The following GSDMC variants were observed in gnomAD, a reference collection of about 807,000 sequenced individuals.
GSDMC encodes gasdermin-C.
GSDMC carries 59 observed loss-of-function variants against 58.0 expected under a neutral mutation model. The ratio of observed to expected loss-of-function variants is 1.02; its 90% confidence interval spans 0.82 to 1.26. GSDMC has a LOEUF of 1.26. Ranked by LOEUF, GSDMC falls within the 50% of genes most tolerant of loss-of-function variation. The pLI, the probability that GSDMC is intolerant of heterozygous loss-of-function variation, is 0.00. For missense variants in GSDMC, 659 were observed against 598.5 expected (o/e 1.10, Z -1.06); for synonymous variants, 241 against 220.2 (o/e 1.09, Z -0.83).
intron 2 of GSDMC, among the ~76,000 whole-genome samples, chr8:129,776,876 T>C (rs1377382698): frequency 6.6e-6 from 1 of 151,998 alleles, no homozygotes; most frequent in Non-Finnish European, 1.5e-5. Flanking sequence ...TTATTGAGCC[T>C]CAGCCTCCCG....
At chr8:129,745,379 C>T (rs1237922470), downstream of GSDMC, among the ~76,000 whole-genome samples, 3 of 152,096 alleles carry the variant, frequency 2.0e-5, no homozygotes, top group African/African-American at 4.8e-5. Context: ...CCTAGGGATT[C>T]GTCTCTGGAA....
chr8:129,764,505 T>C (rs980939020), intron 4 of GSDMC, among the ~76,000 whole-genome samples: 2 of 152,212 alleles, frequency 1.3e-5, no homozygotes, highest in Non-Finnish European at 2.9e-5. Flanking sequence ...TTTTCCATTA[T>C]GGCTTCTCAC....
At position 129,752,116 on chromosome 8, in the gene GSDMC, C is replaced by T; in HGVS notation, c.876G>A (p.Gly292=). The T allele has an allele frequency of 1.2e-6, 2 of 1,613,326 alleles. No homozygotes were observed. Among genetic ancestry groups the T allele is most frequent in the Admixed American group, 1.7e-5 (1 of 60,002 alleles). Residue 292 remains glycine (G), a synonymous_variant, in exon 8 of 14, where the codon GGG becomes GGA. Transcript: ENST00000276708. The part of the protein sequence containing the change: ...ELFLTQQFLS[G]HLPKYEQVHI... ...CCAGATTCCACTCACTTGGCAAATG[C>T]CCGCTCAAAAATTGCTGTGTCAGAA...
the GSDMC span, among the ~76,000 whole-genome samples, chr8:129,738,477 A>T: frequency 5.3e-4 from 80 of 152,226 alleles, no homozygotes; most frequent in Non-Finnish European, 9.3e-4. Flanking sequence ...ATGCAGCCAT[A>T]AAAAAGGTTG....
At chr8:129,732,268 ATATTTCTGTTCTTTATAAAT>A in the GSDMC span, among the ~76,000 whole-genome samples, 1 of 149,804 alleles carries the variant, frequency 6.7e-6, no homozygotes, top group South Asian at 2.1e-4. Context: ...TGTGAGAAAT[ATATTTCTGTTCTTTATAAAT>A]TAAAAAAAAA....
chr8:129,707,811 G>T, the GSDMC span, among the ~76,000 whole-genome samples: 165 of 152,348 alleles, frequency 1.1e-3, no homozygotes, highest in African/African-American at 3.7e-3. Flanking sequence ...GGCATAAGTG[G>T]TTGACTAATA....
At chr8:129,734,693 C>T in the GSDMC span, among the ~76,000 whole-genome samples, 73 of 152,178 alleles carry the variant, frequency 4.8e-4, no homozygotes, top group Non-Finnish European at 8.2e-4. Flanking sequence ...CAACTGGTAC[C>T]AGACACTGCA....
chr8:129,743,306 A>G (rs970996794), downstream of GSDMC, among the ~76,000 whole-genome samples: 5 of 152,060 alleles, frequency 3.3e-5, no homozygotes, highest in African/African-American at 9.7e-5. Flanking sequence ...TTTAGCTTCT[A>G]TTACTATATC....
chr8:129,722,935 A>G, the GSDMC span: 1 of 152,254 alleles, frequency 6.6e-6, no homozygotes, highest in East Asian at 1.9e-4. Context: ...GATTCTAATC[A>G]TAAAACTGTA....
chr8:129,764,731 T>C (rs892477577), intron 4 of GSDMC, among the ~76,000 whole-genome samples: 2 of 152,218 alleles, frequency 1.3e-5, no homozygotes, highest in Non-Finnish European at 1.5e-5. Flanking sequence ...CATGAATGTA[T>C]ACATCTACCA....
chr8:129,767,625 G>A (rs1365909444), intron 3 of GSDMC, among the ~76,000 whole-genome samples: 1 of 152,120 alleles, frequency 6.6e-6, no homozygotes, highest in Non-Finnish European at 1.5e-5. Context: ...AAACTGAGTA[G>A]CCCTACCTGG....
At chr8:129,785,664 A>G (rs1450923738) in intron 1 of GSDMC, among the ~76,000 whole-genome samples, 1 of 152,210 alleles carries the variant, frequency 6.6e-6, no homozygotes, top group East Asian at 1.9e-4. Context: ...AATATGTTCA[A>G]TAATGAAGAG....
At chr8:129,727,140 G>A in the GSDMC span, among the ~76,000 whole-genome samples, 3 of 152,118 alleles carry the variant, frequency 2.0e-5, no homozygotes, top group Non-Finnish European at 1.5e-5. Context: ...AGCCCTTGCA[G>A]ATGTATTTAG....
chr8:129,706,774 C>G, the GSDMC span, among the ~76,000 whole-genome samples: 1 of 152,240 alleles, frequency 6.6e-6, no homozygotes, highest in Non-Finnish European at 1.5e-5. Context: ...CTACATTGCT[C>G]TGCTCCAGCT....
At chr8:129,775,690 C>A (rs1443854622) in intron 3 of GSDMC, among the ~76,000 whole-genome samples, 1 of 152,064 alleles carries the variant, frequency 6.6e-6, no homozygotes, top group Non-Finnish European at 1.5e-5. Context: ...CCCAAGACAG[C>A]AATGTACATG....
chr8:129,782,864 C>T (rs945293594), intron 1 of GSDMC, among the ~76,000 whole-genome samples: 1 of 151,472 alleles, frequency 6.6e-6, no homozygotes, highest in Non-Finnish European at 1.5e-5. Flanking sequence ...TTCTATGAGG[C>T]CAATATTACC....
chr8:129,752,830 G>C lies in GSDMC; in HGVS notation c.722-10C>G, dbSNP rs1413521122. 4 of 1,614,120 alleles carry C rather than the reference G, an allele frequency of 2.5e-6. No individual in the cohort carries two copies. Among genetic ancestry groups the C allele is most frequent in the Non-Finnish European group, 3.4e-6 (4 of 1,179,974 alleles). Reference sequence around the variant, plus strand: ...TCGGAAATTTCGTACTCTTGGGAGAGAGGGAGAGCAGAATGACTGGGTAAC... The same window carrying C: ...TCGGAAATTTCGTACTCTTGGGAGACAGGGAGAGCAGAATGACTGGGTAAC... On this transcript the variant is annotated splice_polypyrimidine_tract_variant and intron_variant, in intron 6 of 13. Coordinates refer to ENST00000276708, the MANE Select transcript of GSDMC (RefSeq NM_031415.3).
the GSDMC span, among the ~76,000 whole-genome samples, chr8:129,740,279 T>C: frequency 6.6e-6 from 1 of 152,188 alleles, no homozygotes; most frequent in East Asian, 1.9e-4. Context: ...GTAGCCTAAG[T>C]GTATAGTATT....
At chr8:129,767,448 G>A (rs9693205) in intron 3 of GSDMC, among the ~76,000 whole-genome samples, 4,749 of 151,962 alleles carry the variant, frequency 0.031, 245 homozygotes, top group African/African-American at 0.1. Flanking sequence ...CCTAACTGTG[G>A]AGCATAACCT....
Sources: allele counts gnomAD v4.1 joint callset (sites outside exome capture counted in the v4.1 genomes callset), GRCh38; gene constraint gnomAD v4.1.1; transcripts MANE v1.5; gene names NCBI Gene and HGNC (gene_info 2026-07-23, HGNC 2026-07-21).